The following DENND5B variants were observed in gnomAD, a reference collection of about 807,000 sequenced individuals.
DENND5B encodes DENN domain-containing protein 5B.
A neutral mutation model predicts 140.6 loss-of-function variants in DENND5B; 34 were observed. The ratio of observed to expected loss-of-function variants is 0.24; its 90% CI spans 0.18 to 0.32. DENND5B has a LOEUF of 0.32. Ranked by LOEUF, DENND5B falls within the 10% of genes least tolerant of loss-of-function variation. The pLI is 1.00. For synonymous variants in DENND5B, 551 were observed against 562.1 expected, an observed-to-expected ratio of 0.98 and a Z score of 0.28; for missense variants, 1,142 against 1,560.2, an observed-to-expected ratio of 0.73 and a Z score of 4.52.
chr12:31,455,233 A>C (rs1490195488), intron 4 of DENND5B, among the ~76,000 whole-genome samples: 1 of 152,078 alleles, frequency 6.6e-6, no homozygotes, highest in Non-Finnish European at 1.5e-5. Context: ...ATGCCTTCCT[A>C]CTACCTTTTT....
Position 31,442,821 on chromosome 12 carries a change from G to T in DENND5B, c.1966C>A (p.Pro656Thr). The T allele has an allele frequency of 1.2e-6, 2 of 1,613,734 alleles. No homozygotes were observed. The highest frequency in any genetic ancestry group is 1.7e-6 in the Non-Finnish European group (2 of 1,179,826). ...GCCAAGACATCGGACTGTAACTTTGGAAAGAACCCCTGCTCATATTTGCCT... is the reference window on the plus strand; with the variant it reads ...GCCAAGACATCGGACTGTAACTTTGTAAAGAACCCCTGCTCATATTTGCCT... Reference protein sequence around the residue: ...GQGKYEQGFFPKLQSDVLATG... With the variant: ...GQGKYEQGFFTKLQSDVLATG... The change falls in exon 7 of 21, where the codon CCA becomes ACA. Residue 656 changes from proline to threonine, a missense_variant. Coordinates refer to ENST00000389082, the MANE Select transcript of DENND5B (RefSeq NM_144973.4).
chr12:31,539,126 G>C (rs1327354868), intron 1 of DENND5B, among the ~76,000 whole-genome samples: 1 of 151,842 alleles, frequency 6.6e-6, no homozygotes, highest in Non-Finnish European at 1.5e-5. Context: ...CAATAAATGA[G>C]AAAATCTAGA....
rs528246430 is a variant in DENND5B at position 31,572,510 on chromosome 12, T to C, written c.127+18196A>G. Among the ~76,000 whole-genome samples, 3 of 146,782 alleles carry C rather than the reference T, an allele frequency of 2.0e-5. No homozygotes were observed. The Admixed American group carries it at 2.1e-4, about 10-fold the overall frequency. ...AAATAAATATCAAATCCCCAAGCCCTTATTTTTGTCACTAATTTTACTCTT... is the reference window on the plus strand; with the variant it reads ...AAATAAATATCAAATCCCCAAGCCCCTATTTTTGTCACTAATTTTACTCTT... On this transcript the variant is annotated intron_variant, in intron 1 of 20. Coordinates refer to ENST00000389082, the MANE Select transcript of DENND5B (RefSeq NM_144973.4).
intron 2 of DENND5B, among the ~76,000 whole-genome samples, chr12:31,490,526 G>A (rs1371660043): frequency 1.3e-5 from 2 of 151,828 alleles, no homozygotes; most frequent in Non-Finnish European, 2.9e-5. Context: ...GTGGAGGATC[G>A]CTAGAGCATG....
intron 15 of DENND5B, 62 bp downstream of exon 15, chr12:31,402,436 C>G: frequency 6.5e-7 from 1 of 1,527,546 alleles, no homozygotes; most frequent in Non-Finnish European, 8.8e-7. Context: ...AAAAGCCAGA[C>G]AGAATCATCT....
intron 3 of DENND5B, among the ~76,000 whole-genome samples, chr12:31,478,962 A>G (rs916974279): frequency 2.0e-4 from 31 of 152,208 alleles, no homozygotes; most frequent in Middle Eastern, 3.4e-3. Flanking sequence ...AGATACCACA[A>G]AGATAACTTC....
intron 4 of DENND5B, among the ~76,000 whole-genome samples, chr12:31,457,379 A>G (rs1005858335): frequency 1.3e-5 from 2 of 152,218 alleles, no homozygotes; most frequent in African/African-American, 4.8e-5. Context: ...ATGTAGTTAT[A>G]TTAGTTAGCT....
intron 12 of DENND5B, among the ~76,000 whole-genome samples, chr12:31,414,794 TG>T (rs1942636066): frequency 6.6e-6 from 1 of 151,932 alleles, no homozygotes; most frequent in South Asian, 2.1e-4. Context: ...CCAGGAATGG[TG>T]GCGCATGCCT....
rs1229279167 is a variant in DENND5B at position 31,383,441 on chromosome 12, C to T, written c.*4162G>A. The T allele has an allele frequency of 2.0e-5, 3 of 152,090 alleles. No individual in the cohort carries two copies. The highest frequency in any genetic ancestry group is 1.3e-4 in the Admixed American group (2 of 15,248). 9.4% of individuals were successfully genotyped at this position (152,090 alleles called of 1,614,324 possible). ...AGGAAATATGAGCAGTTCAGTATTT[C>T]CCCCATATCATTCATATAGTGTGAT... On this transcript the variant is annotated 3_prime_UTR_variant, in exon 21 of 21. Transcript: ENST00000389082.
intron 1 of DENND5B, among the ~76,000 whole-genome samples, chr12:31,588,459 T>G (rs1950476634): frequency 1.3e-5 from 2 of 152,236 alleles, no homozygotes; most frequent in Non-Finnish European, 2.9e-5. Context: ...AAAATGTAGT[T>G]AGGCCTACAA....
At chr12:31,404,696 C>T (rs948277396) in intron 14 of DENND5B, among the ~76,000 whole-genome samples, 1 of 150,560 alleles carries the variant, frequency 6.6e-6, no homozygotes, top group African/African-American at 2.4e-5. Flanking sequence ...TCAGGTGATC[C>T]ACCGGCCTCA....
chr12:31,454,435 T>C (rs530046138), intron 4 of DENND5B, among the ~76,000 whole-genome samples: 10 of 152,286 alleles, frequency 6.6e-5, no homozygotes, highest in African/African-American at 2.2e-4. Context: ...TAGCACTGCC[T>C]ACACCATTCT....
At chr12:31,510,061 A>C (rs906793958) in intron 1 of DENND5B, among the ~76,000 whole-genome samples, 1 of 152,120 alleles carries the variant, frequency 6.6e-6, no homozygotes, top group Non-Finnish European at 1.5e-5. Context: ...TTTAAGTACG[A>C]TATCTTATGG....
At chr12:31,403,534 A>C (rs1342152989) in intron 14 of DENND5B, among the ~76,000 whole-genome samples, 1 of 150,236 alleles carries the variant, frequency 6.7e-6, no homozygotes, top group Admixed American at 6.7e-5. Flanking sequence ...CAGAGGTTGC[A>C]GTGAGCTGAG....
At chr12:31,395,572 A>G (rs1012729785) in intron 17 of DENND5B, among the ~76,000 whole-genome samples, 1 of 152,174 alleles carries the variant, frequency 6.6e-6, no homozygotes, top group Non-Finnish European at 1.5e-5. Flanking sequence ...CAGCATGGCC[A>G]ACAAGAGCGA....
chr12:31,557,306 A>G (rs184346246), intron 1 of DENND5B, among the ~76,000 whole-genome samples: 1 of 152,266 alleles, frequency 6.6e-6, no homozygotes, highest in East Asian at 1.9e-4. Context: ...CTTTCTTTAC[A>G]TTTTCCTGTA....
intron 1 of DENND5B, among the ~76,000 whole-genome samples, chr12:31,562,615 TAAAA>T (rs887987167): frequency 6.8e-6 from 1 of 146,444 alleles, no homozygotes; most frequent in Non-Finnish European, 1.5e-5. Context: ...ACTCTGTCTT[TAAAA>T]AAAAAAATGA....
intron 1 of DENND5B, among the ~76,000 whole-genome samples, chr12:31,517,611 GTC>G (rs1296466198): frequency 1.3e-5 from 2 of 152,210 alleles, no homozygotes; most frequent in Non-Finnish European, 2.9e-5. Context: ...TTGGACGTTA[GTC>G]TGTAAAAGAA....
rs1422212354 is a variant in DENND5B at position 31,557,923 on chromosome 12, C to G, written c.127+32783G>C. Among the ~76,000 whole-genome samples, 4 of 151,692 alleles carry G rather than the reference C, an allele frequency of 2.6e-5. No homozygotes were observed. The East Asian group carries it at 7.8e-4, about 29-fold the overall frequency. ...GAAGTCTCCCAACCCTTCAGCCAGG[C>G]ATGGTAGTAGTCCCAGCTATTTTGG... On this transcript the variant is annotated intron_variant, in intron 1 of 20. Transcript: ENST00000389082.
Sources: gnomAD v4.1 joint callset for allele counts (sites outside exome capture counted in the v4.1 genomes callset) on GRCh38, gnomAD v4.1.1 for gene constraint, MANE v1.5 for transcripts, NCBI Gene and HGNC (gene_info 2026-07-23, HGNC 2026-07-21) for gene names.